Variants in DISP3 observed in about 807,000 individuals in gnomAD.
The protein encoded by DISP3 is protein dispatched homolog 3.
In DISP3, 101 loss-of-function variants were observed where a neutral mutation model predicts 135.3. That is an observed-to-expected ratio of 0.75 (90% confidence interval 0.64 to 0.88). DISP3 has a LOEUF of 0.88. Ranked by LOEUF, DISP3 falls within the 40% of genes least tolerant of loss-of-function variation. DISP3 has a pLI of 0.00. For synonymous variants in DISP3, 856 were observed against 817.0 expected (o/e 1.05, Z -0.81); for missense variants, 1,713 against 1,878.6 (o/e 0.91, Z 1.63).
intron 3 of DISP3, among the ~76,000 whole-genome samples, chr1:11,511,988 A>G (rs1362479982): frequency 6.6e-6 from 1 of 152,204 alleles, no homozygotes; most frequent in Admixed American, 6.5e-5. Flanking sequence ...TGAGCTGTAC[A>G]TTGACCCATT....
Position 11,529,287 on chromosome 1 carries a change from A to G in DISP3, c.2799-269A>G, listed in dbSNP as rs1642510199. ...GTCTTCTCCACCCTTCATGACTCCT[A>G]TGGGGAGACTGAGACCCAGAGGGGC... On this transcript the variant is annotated intron_variant, in intron 13 of 20. Transcript: ENST00000294484. The surrounding 1 kb of genome is among the most constrained non-coding windows in gnomAD (Gnocchi z 4.7). 6.6e-6 allele frequency among the ~76,000 whole-genome samples: 1 copy of G among 152,024 alleles called. No individual in the cohort carries two copies. Among genetic ancestry groups the G allele is most frequent in the Non-Finnish European group, 1.5e-5 (1 of 67,958 alleles).
At position 11,501,521 on chromosome 1, in the gene DISP3, G is replaced by T. The variant is rs1043672614; in HGVS notation, c.529G>T (p.Ala177Ser). ...CTCCCGAGCCCCCCGCGTCATCCCC[G>T]CGGCCTCACTCGGTGGCCCAGGCCC... The part of the protein sequence containing the change: ...QASRAPRVIP[A>S]ASLGGPGPYR... The change falls in exon 2 of 21, where the codon GCG (alanine) becomes TCG (serine). Residue 177 changes from alanine (A) to serine (S), a missense_variant. This residue lies in a region of DISP3 where 571 missense variants were observed against 494.1 expected (regional missense o/e 1.16). Transcript: ENST00000294484. This position sits in a 1 kb window ranked among gnomAD's most constrained non-coding sequence, Gnocchi z 4.9. 2 of 1,603,398 alleles carry T rather than the reference G, an allele frequency of 1.2e-6. No individual in the cohort carries two copies. Among genetic ancestry groups the T allele is most frequent in the Non-Finnish European group, 1.7e-6 (2 of 1,174,852 alleles).
At chr1:11,515,811 G>C (rs1241918709) in intron 5 of DISP3, among the ~76,000 whole-genome samples, 190 bp from the exon 6 acceptor site, 1 of 152,092 alleles carries the variant, frequency 6.6e-6, no homozygotes, top group African/African-American at 2.4e-5. Flanking sequence ...CAAGGAGTGT[G>C]GTGGGTGGGG....
At chr1:11,530,468 G>A (rs906477045) in intron 15 of DISP3, among the ~76,000 whole-genome samples, 10 of 152,294 alleles carry the variant, frequency 6.6e-5, no homozygotes, top group Middle Eastern at 3.4e-3. Flanking sequence ...CGGGGTACAC[G>A]GGAATGGCAG....
chr1:11,495,033 T>G (rs933546808), intron 1 of DISP3, among the ~76,000 whole-genome samples: 1 of 152,142 alleles, frequency 6.6e-6, no homozygotes, highest in Non-Finnish European at 1.5e-5. Flanking sequence ...AAAGCCCCAT[T>G]CTGTCCAAAT....
intron 3 of DISP3, among the ~76,000 whole-genome samples, chr1:11,504,973 C>T (rs1641656152): frequency 1.3e-5 from 2 of 152,186 alleles, no homozygotes; most frequent in Non-Finnish European, 2.9e-5. Flanking sequence ...TATCTTGGGT[C>T]CGATCCCAGT....
chr1:11,493,950 C>T (rs528008675), intron 1 of DISP3, among the ~76,000 whole-genome samples: 49 of 152,340 alleles, frequency 3.2e-4, no homozygotes, highest in African/African-American at 1.1e-3. Context: ...AATTGCCAGG[C>T]CCCGAGTGAT....
rs191856124 is a variant in DISP3 at position 11,507,033 on chromosome 1, C to T, written c.1316+4136C>T. 1.3e-3 allele frequency among the ~76,000 whole-genome samples: 204 copies of T among 152,250 alleles called. 2 individuals carry two copies. Among genetic ancestry groups the T allele is most frequent in the African/African-American group, 4.6e-3 (193 of 41,516 alleles). ...ATGTTGCCCACACTGGTCTCAAACT[C>T]CTGGCCTCAAGTGGTCCTCCCACCT... On this transcript the variant is annotated intron_variant, in intron 3 of 20. Coordinates refer to ENST00000294484, the MANE Select transcript of DISP3 (RefSeq NM_020780.2).
At position 11,490,580 on chromosome 1, in the gene DISP3, TTTA is replaced by T. The variant is rs779453323; in HGVS notation, c.-3-10406_-3-10404del. Reference sequence around the variant, plus strand: ...CACCGTGACCGGCCATGTTGGTGATTTTATTAAGCTTCCATTGTCTTTTCCTCA... The same window carrying T: ...CACCGTGACCGGCCATGTTGGTGATTTTAAGCTTCCATTGTCTTTTCCTCA... On this transcript the variant is annotated intron_variant, in intron 1 of 20. Coordinates refer to ENST00000294484, the MANE Select transcript of DISP3 (RefSeq NM_020780.2). Among the ~76,000 whole-genome samples the T allele has an allele frequency of 2.6e-5, 4 of 152,228 alleles. No individual in the cohort carries two copies. In the East Asian group the frequency reaches 5.8e-4, roughly 22 times the overall value.
intron 4 of DISP3, 90 bp downstream of exon 4, chr1:11,514,616 CTT>C: frequency 6.8e-7 from 1 of 1,467,874 alleles, no homozygotes; most frequent in South Asian, 1.2e-5. Context: ...CTGCAATACT[CTT>C]GAGCCCAGCA....
At chr1:11,490,317 G>A (rs1641149343) in intron 1 of DISP3, among the ~76,000 whole-genome samples, 1 of 152,156 alleles carries the variant, frequency 6.6e-6, no homozygotes, top group Non-Finnish European at 1.5e-5. Context: ...GCCCAGGCTA[G>A]AGTGCAGTGG....
At chr1:11,535,412 C>T in intron 19 of DISP3, 66 bp from the exon 20 acceptor site, 1 of 1,533,784 alleles carries the variant, frequency 6.5e-7, no homozygotes, top group African/African-American at 1.4e-5. Flanking sequence ...GACTCCAGAC[C>T]TCCCTGTTCC....
Position 11,531,000 on chromosome 1 carries a change from G to A in DISP3, c.3196G>A (p.Val1066Met). ...GGCCATCGCAGCCAACTCCGAGCTGGTGAAGCCGGGTGGGGCCCAGTGCCT... is the reference window on the plus strand; with the variant it reads ...GGCCATCGCAGCCAACTCCGAGCTGATGAAGCCGGGTGGGGCCCAGTGCCT... The part of the protein sequence containing the change: ...CKAIAANSEL[V>M]KPGGAQCLPS... Residue 1066 changes from valine (V) to methionine (M), a missense_variant, in exon 16 of 21, where the codon GTG becomes ATG. Coordinates refer to ENST00000294484, the MANE Select transcript of DISP3 (RefSeq NM_020780.2). 6.2e-7 allele frequency: 1 copy of A among 1,613,978 alleles called. No individual in the cohort carries two copies. Among genetic ancestry groups the A allele is most frequent in the Non-Finnish European group, 8.5e-7 (1 of 1,179,998 alleles).
At chr1:11,490,404 A>T (rs1641150960) in intron 1 of DISP3, among the ~76,000 whole-genome samples, 1 of 152,068 alleles carries the variant, frequency 6.6e-6, no homozygotes, top group Non-Finnish European at 1.5e-5. Flanking sequence ...AGTAGCTGGG[A>T]TTACAGGCAC....
chr1:11,511,634 C>T (rs561557323), intron 3 of DISP3, among the ~76,000 whole-genome samples: 22 of 152,284 alleles, frequency 1.4e-4, no homozygotes, highest in Admixed American at 1.1e-3. Flanking sequence ...TGAGTGTCTG[C>T]AGCTTTTCCA....
intron 11 of DISP3, among the ~76,000 whole-genome samples, 180 bp from the exon 12 acceptor site, chr1:11,524,996 C>T (rs1417181794): frequency 6.6e-6 from 1 of 151,456 alleles, no homozygotes; most frequent in East Asian, 1.9e-4. Context: ...CCCACCACCT[C>T]CCCCACTATT....
chr1:11,501,190 G>A lies in DISP3; in HGVS notation c.198G>A (p.Trp66Ter), dbSNP rs1036768133. ...PASGFWSTLG[W>*]AFTNPCCAGL... ...CGGGCTTCTGGAGTACCCTGGGCTG[G>A]GCCTTCACCAATCCGTGCTGTGCTG... The change falls in exon 2 of 21, where the codon TGG becomes TGA. Residue 66 changes from tryptophan (W) to a stop codon, truncating the protein, a stop_gained. Transcript: ENST00000294484. LOFTEE classifies it high-confidence loss of function. This position sits in a 1 kb window ranked among gnomAD's most constrained non-coding sequence, Gnocchi z 4.9. 6.2e-7 allele frequency: 1 copy of A among 1,613,872 alleles called. No individual in the cohort carries two copies. Among genetic ancestry groups the A allele is most frequent in the African/African-American group, 1.3e-5 (1 of 74,904 alleles).
intron 1 of DISP3, among the ~76,000 whole-genome samples, chr1:11,486,568 A>T (rs939501739): frequency 2.0e-5 from 3 of 152,222 alleles, no homozygotes; most frequent in Admixed American, 2.0e-4. Context: ...GAACAGGGAC[A>T]TGTCAGCCAA....
chr1:11,534,775 A>G (rs199528072), intron 18 of DISP3: 2 of 766,476 alleles, frequency 2.6e-6, no homozygotes, highest in Non-Finnish European at 4.4e-6. Context: ...AGTAACAGTC[A>G]TGACCATGAT....
Sources: allele counts gnomAD v4.1 joint callset (sites outside exome capture counted in the v4.1 genomes callset), GRCh38; gene constraint gnomAD v4.1.1; regional missense constraint gnomAD v4.1.1; non-coding constraint Gnocchi (gnomAD v3.1); transcripts MANE v1.5; gene names NCBI Gene and HGNC (gene_info 2026-07-23, HGNC 2026-07-21).